GP2: variants seen among roughly 807,000 people sequenced by gnomAD.
The protein encoded by GP2 is pancreatic secretory granule membrane major glycoprotein GP2.
GP2 carries 58 observed loss-of-function variants against 60.8 expected under a neutral mutation model. The observed-to-expected ratio is 0.95, with a 90% CI of 0.77 to 1.19. The LOEUF (loss-of-function observed/expected upper bound fraction) is 1.19, where lower values mean the gene tolerates loss of function less well. GP2 is among the 50% of genes most tolerant of loss of function. The probability of loss-of-function intolerance (pLI) is 0.00; values close to 1 mark genes in which losing one functional copy is unlikely to be tolerated. For missense variants in GP2, 647 were observed against 667.4 expected (o/e 0.97, Z 0.34); for synonymous variants, 280 against 253.4 (o/e 1.10, Z -1.00).
chr16:20,315,306 C>T (rs1964129125), intron 9 of GP2, among the ~76,000 whole-genome samples: 1 of 152,054 alleles, frequency 6.6e-6, no homozygotes, highest in South Asian at 2.1e-4. Flanking sequence ...CATCTTAATT[C>T]CTTTAGGGGA....
chr16:20,319,866 C>A (rs1964298410), intron 5 of GP2, 98 bp from the exon 6 acceptor site: 1 of 930,804 alleles, frequency 1.1e-6, no homozygotes, highest in Non-Finnish European at 1.7e-6. Context: ...TTTGCTTAAC[C>A]ATGCAGCCAC....
At chr16:20,321,235 G>A (rs1354976146) in intron 4 of GP2, among the ~76,000 whole-genome samples, 1 of 151,796 alleles carries the variant, frequency 6.6e-6, no homozygotes, top group Non-Finnish European at 1.5e-5. Flanking sequence ...GCTAATTTCT[G>A]TATTTTTATA....
intron 8 of GP2, 61 bp from the exon 9 acceptor site, chr16:20,316,101 G>C: frequency 9.2e-7 from 1 of 1,084,448 alleles, no homozygotes; most frequent in East Asian, 2.4e-5. Flanking sequence ...TATCTAGACT[G>C]CTCCTACAAT....
intron 8 of GP2, 40 bp from the exon 9 acceptor site, chr16:20,316,080 T>C (rs2082032714): frequency 7.7e-7 from 1 of 1,306,502 alleles, no homozygotes; most frequent in African/African-American, 1.5e-5. Context: ...AAAATTTAAA[T>C]GCCTGGATTC....
chr16:20,323,452 T>G (rs1283773435), intron 3 of GP2: 2 of 715,782 alleles, frequency 2.8e-6, no homozygotes, highest in Non-Finnish European at 5.2e-6. Flanking sequence ...AAGGACATTG[T>G]GAGCATTATG....
chr16:20,317,384 G>T lies in GP2; in HGVS notation c.1254-9C>A, dbSNP rs145279202. 449 of 1,611,252 alleles carry T rather than the reference G, an allele frequency of 2.8e-4. No homozygotes were observed. In the African/African-American group the frequency reaches 5.6e-3, roughly 20 times the overall value. The stretch of plus-strand genomic sequence containing the variant: ...CACGTTGATTTGAGCAGCTGGGAGG[G>T]TGACAGGGGCAAAGGTGTAACTTCT... On this transcript the variant is annotated splice_polypyrimidine_tract_variant and intron_variant, in intron 7 of 10. Coordinates refer to ENST00000302555, the MANE Select transcript of GP2 (RefSeq NM_001502.4).
chr16:20,324,336 T>C, intron 2 of GP2, 80 bp from the exon 3 acceptor site: 1 of 900,642 alleles, frequency 1.1e-6, no homozygotes, highest in African/African-American at 1.7e-5. Flanking sequence ...ATGCTCTATT[T>C]TGGCTGTGCT....
chr16:20,316,200 A>G (rs1346685319), intron 8 of GP2, among the ~76,000 whole-genome samples, 160 bp from the exon 9 acceptor site: 2 of 152,216 alleles, frequency 1.3e-5, no homozygotes, highest in Non-Finnish European at 2.9e-5. Flanking sequence ...CTAGAAAATT[A>G]TCACTGTCAT....
At chr16:20,311,681 G>GAGTTACCAGA (rs1368605580) in intron 10 of GP2, among the ~76,000 whole-genome samples, 1 of 152,182 alleles carries the variant, frequency 6.6e-6, no homozygotes, top group Non-Finnish European at 1.5e-5. Flanking sequence ...GGGGATAGTG[G>GAGTTACCAGA]AGTTACCAGA....
At chr16:20,321,389 A>G (rs182334666) in intron 4 of GP2, among the ~76,000 whole-genome samples, 150 of 152,364 alleles carry the variant, frequency 9.8e-4, no homozygotes, top group African/African-American at 3.6e-3. Flanking sequence ...TGCATTCAAC[A>G]TGAAGTAAAT....
chr16:20,314,573 G>A, intron 10 of GP2, 84 bp downstream of exon 10: 5 of 925,700 alleles, frequency 5.4e-6, no homozygotes, highest in Non-Finnish European at 7.3e-6. Flanking sequence ...CCCTAGCATA[G>A]GGTCTGGGCC....
intron 10 of GP2, among the ~76,000 whole-genome samples, chr16:20,311,608 T>A (rs987198196): frequency 6.6e-6 from 1 of 152,150 alleles, no homozygotes; most frequent in African/African-American, 2.4e-5. Context: ...CTCCTATATA[T>A]CCTGTTGCTC....
chr16:20,311,196 T>C lies in GP2; in HGVS notation c.*27A>G. 6.5e-7 allele frequency: 1 copy of C among 1,539,620 alleles called. No individual in the cohort carries two copies. The highest frequency in any genetic ancestry group is 9.0e-7 in the Non-Finnish European group (1 of 1,112,094). Reference sequence around the variant, plus strand: ...CATTGCCAGAGGGAAGAACACAAACTTCAAGGCCAGATGCTCAGCGGAGCT... The same window carrying C: ...CATTGCCAGAGGGAAGAACACAAACCTCAAGGCCAGATGCTCAGCGGAGCT... On this transcript the variant is annotated 3_prime_UTR_variant, in exon 11 of 11. Coordinates refer to ENST00000302555, the MANE Select transcript of GP2 (RefSeq NM_001502.4).
intron 5 of GP2, 87 bp downstream of exon 5, chr16:20,320,175 G>T: frequency 1.0e-6 from 1 of 977,258 alleles, no homozygotes; most frequent in Non-Finnish European, 1.6e-6. Context: ...GAAGCTAAGT[G>T]GCTTGTCCAA....
At chr16:20,327,354 A>T (rs1032317700) in intron 1 of GP2, 113 bp downstream of exon 1, 3 of 671,194 alleles carry the variant, frequency 4.5e-6, no homozygotes, top group African/African-American at 1.9e-5. Flanking sequence ...CCAGGGTCCA[A>T]ACTACTTGCT....
At chr16:20,314,211 G>C (rs977132766) in intron 10 of GP2, among the ~76,000 whole-genome samples, 5 of 147,670 alleles carry the variant, frequency 3.4e-5, no homozygotes, top group African/African-American at 1.3e-4. Context: ...TGCACGTTCT[G>C]CTCATGTATC....
rs575924699 is a variant in GP2 at position 20,322,940 on chromosome 16, C to T, written c.575G>A (p.Arg192His). The change falls in exon 4 of 11, where the codon CGC becomes CAC. Residue 192 changes from arginine (R) to histidine (H), a missense_variant. Transcript: ENST00000302555. Reference protein sequence around the residue: ...TVEDKCEKACRPEEECLALNS... With the variant: ...TVEDKCEKACHPEEECLALNS... Reference sequence around the variant, plus strand: ...GAGGGCAAGGCACTCCTCCTCGGGGCGGCAGGCCTTCTCACACTTGTCCTC... The same window carrying T: ...GAGGGCAAGGCACTCCTCCTCGGGGTGGCAGGCCTTCTCACACTTGTCCTC... The T allele has an allele frequency of 1.5e-5, 24 of 1,612,660 alleles. No homozygotes were observed. Among genetic ancestry groups the T allele is most frequent in the Non-Finnish European group, 2.0e-5 (24 of 1,178,754 alleles).
At chr16:20,320,794 A>T (rs1964333053) in intron 4 of GP2, among the ~76,000 whole-genome samples, 1 of 152,242 alleles carries the variant, frequency 6.6e-6, no homozygotes, top group African/African-American at 2.4e-5. Context: ...TTGTTGAGTC[A>T]GCACATCTGA....
chr16:20,312,836 G>A (rs946098574), intron 10 of GP2, among the ~76,000 whole-genome samples: 1 of 152,038 alleles, frequency 6.6e-6, no homozygotes, highest in African/African-American at 2.4e-5. Context: ...TTTTAGTAGA[G>A]TCAGGGTTTC....
Sources: allele counts gnomAD v4.1 joint callset (sites outside exome capture counted in the v4.1 genomes callset), GRCh38; gene constraint gnomAD v4.1.1; transcripts MANE v1.5; gene names NCBI Gene and HGNC (gene_info 2026-07-23, HGNC 2026-07-21).